CTNNA2: variants seen among roughly 807,000 people sequenced by gnomAD.
CTNNA2 encodes catenin alpha 2.
In CTNNA2, 42 loss-of-function variants were observed where a neutral mutation model predicts 101.0. The ratio of observed to expected loss-of-function variants is 0.42; its 90% CI spans 0.32 to 0.54. CTNNA2 has a LOEUF of 0.54. Among genes scored for constraint, CTNNA2 ranks in the 20% least tolerant of loss-of-function variants. The pLI is 0.14. For synonymous variants in CTNNA2, 450 were observed against 456.4 expected (o/e 0.99, Z 0.18); for missense variants, 871 against 1,223.1 (o/e 0.71, Z 4.29).
At position 79,525,888 on chromosome 2, in the gene CTNNA2, A is replaced by T. The variant is rs1261746113; in HGVS notation, c.-6+12681A>T. On this transcript the variant is annotated intron_variant, in intron 1 of 18. Transcript: ENST00000402739. ...TAAGTTTCAATAAAACTCTCAGTTAACAACATATAGCTATTTTCTGTTCTA... is the reference window on the plus strand; with the variant it reads ...TAAGTTTCAATAAAACTCTCAGTTATCAACATATAGCTATTTTCTGTTCTA... Among the ~76,000 whole-genome samples the T allele has an allele frequency of 2.0e-5, 3 of 152,144 alleles. No homozygotes were observed. The South Asian group carries it at 6.2e-4, about 32-fold the overall frequency.
chr2:79,314,643 A>G (rs531166535), intron 3 of CTNNA2, among the ~76,000 whole-genome samples: 11 of 152,188 alleles, frequency 7.2e-5, no homozygotes, highest in Non-Finnish European at 1.6e-4. Flanking sequence ...TACATATTCT[A>G]TTGACCAATT....
intron 16 of CTNNA2, among the ~76,000 whole-genome samples, chr2:80,604,586 CTT>C (rs1697842951): frequency 2.0e-5 from 3 of 152,006 alleles, no homozygotes; most frequent in Non-Finnish European, 1.5e-5. Context: ...CTAATGCCCT[CTT>C]TTGTTTACTT....
At chr2:80,032,264 G>A (rs1167486775) in intron 7 of CTNNA2, among the ~76,000 whole-genome samples, 1 of 152,120 alleles carries the variant, frequency 6.6e-6, no homozygotes, top group Admixed American at 6.5e-5. Flanking sequence ...TCCCTGATGT[G>A]CCAACCTGTT....
chr2:80,172,293 T>C (rs1422405944), intron 7 of CTNNA2, among the ~76,000 whole-genome samples: 1 of 152,220 alleles, frequency 6.6e-6, no homozygotes, highest in Non-Finnish European at 1.5e-5. Flanking sequence ...TTTAGCAATA[T>C]ATAATTTCTC....
intron 9 of CTNNA2, among the ~76,000 whole-genome samples, chr2:80,533,580 G>A (rs897362059): frequency 2.0e-4 from 30 of 152,248 alleles, no homozygotes; most frequent in African/African-American, 6.7e-4. Context: ...CTTGGCTTCC[G>A]TTAAATGTCA....
At chr2:79,608,118 T>C (rs1019917813) in intron 1 of CTNNA2, among the ~76,000 whole-genome samples, 1 of 151,890 alleles carries the variant, frequency 6.6e-6, no homozygotes, top group African/African-American at 2.4e-5. Flanking sequence ...ATGACAAGGA[T>C]AATAGAATAT....
intron 3 of CTNNA2, among the ~76,000 whole-genome samples, chr2:79,749,320 TAC>T (rs1406935544): frequency 1.1e-4 from 17 of 152,152 alleles, no homozygotes; most frequent in Non-Finnish European, 2.4e-4. Context: ...TGTGTTTATA[TAC>T]AGTAGGCTTA....
intron 3 of CTNNA2, among the ~76,000 whole-genome samples, chr2:79,754,773 G>A (rs1672286103): frequency 6.6e-6 from 1 of 152,064 alleles, no homozygotes; most frequent in African/African-American, 2.4e-5. Context: ...TGTATGGATG[G>A]TACCTTAGTT....
At chr2:79,563,161 GTATATATATATATA>G (rs71385287) in intron 1 of CTNNA2, among the ~76,000 whole-genome samples, 2 of 78,618 alleles carry the variant, frequency 2.5e-5, no homozygotes, top group Admixed American at 1.1e-4. Flanking sequence ...ATAAAGATGT[GTATATATATATATA>G]TATATATATA....
At chr2:79,527,498 A>AT in intron 1 of CTNNA2, among the ~76,000 whole-genome samples, 2 of 139,446 alleles carry the variant, frequency 1.4e-5, no homozygotes, top group African/African-American at 5.6e-5. Context: ...AAAAAAAATT[A>AT]ACCAGGCCTG....
intron 2 of CTNNA2, among the ~76,000 whole-genome samples, chr2:79,291,638 A>G (rs534099871): frequency 6.6e-6 from 1 of 152,252 alleles, no homozygotes; most frequent in South Asian, 2.1e-4. Flanking sequence ...ATGTGTGGCT[A>G]CTGGTCCCTG....
At chr2:80,542,880 C>T (rs961969627) in intron 9 of CTNNA2, among the ~76,000 whole-genome samples, 1 of 54,612 alleles carries the variant, frequency 1.8e-5, no homozygotes, top group South Asian at 1.1e-3. Context: ...TGATTTTTTC[C>T]CCCCCCCACA....
chr2:79,758,781 C>CT (rs1227503125), intron 3 of CTNNA2, among the ~76,000 whole-genome samples: 1 of 152,104 alleles, frequency 6.6e-6, no homozygotes, highest in Non-Finnish European at 1.5e-5. Flanking sequence ...TAATTTCATT[C>CT]TTTTTTATGG....
At chr2:79,342,276 G>T (rs1677155334) in intron 3 of CTNNA2, among the ~76,000 whole-genome samples, 1 of 152,176 alleles carries the variant, frequency 6.6e-6, no homozygotes, top group Admixed American at 6.5e-5. Flanking sequence ...GATTGAAATA[G>T]ATTATGAATA....
chr2:79,773,103 G>A (rs1673710587), intron 3 of CTNNA2, among the ~76,000 whole-genome samples: 1 of 152,132 alleles, frequency 6.6e-6, no homozygotes, highest in Non-Finnish European at 1.5e-5. Context: ...TGTGGAAACA[G>A]CCATGAAGAC....
intron 9 of CTNNA2, among the ~76,000 whole-genome samples, chr2:80,439,272 C>T (rs1364386512): frequency 1.3e-5 from 2 of 152,188 alleles, no homozygotes; most frequent in Admixed American, 6.5e-5. Flanking sequence ...ATTTATTTCT[C>T]ACTTCCCCTG....
intron 9 of CTNNA2, among the ~76,000 whole-genome samples, chr2:80,514,236 G>C (rs1235834510): frequency 2.0e-5 from 3 of 152,158 alleles, no homozygotes; most frequent in Non-Finnish European, 2.9e-5. Flanking sequence ...GCATGAGTGA[G>C]CAAGTACAGG....
At chr2:79,923,083 G>A (rs932074456) in intron 7 of CTNNA2, among the ~76,000 whole-genome samples, 2 of 152,074 alleles carry the variant, frequency 1.3e-5, no homozygotes, top group African/African-American at 4.8e-5. Context: ...CCAAATAGAA[G>A]GCAGACAGCA....
At chr2:79,812,314 G>C (rs1371160070) in intron 3 of CTNNA2, among the ~76,000 whole-genome samples, 1 of 152,134 alleles carries the variant, frequency 6.6e-6, no homozygotes, top group Non-Finnish European at 1.5e-5. Flanking sequence ...CCTTGTTCCT[G>C]ATATTAGAGA....
Sources: gnomAD v4.1 joint callset for allele counts (sites outside exome capture counted in the v4.1 genomes callset) on GRCh38, gnomAD v4.1.1 for gene constraint, MANE v1.5 for transcripts, NCBI Gene and HGNC (gene_info 2026-07-23, HGNC 2026-07-21) for gene names.